Variants in TRPM3 observed in about 807,000 individuals in gnomAD.
The protein encoded by TRPM3 is transient receptor potential cation channel subfamily M member 3.
Under a neutral mutation model 181.2 loss-of-function variants are expected in TRPM3, and 77 were observed. The observed-to-expected ratio is 0.42, with a 90% CI of 0.35 to 0.51. The LOEUF (loss-of-function observed/expected upper bound fraction) is 0.51. Ranked by LOEUF, TRPM3 falls within the 20% of genes least tolerant of loss-of-function variation. The pLI is 0.01. For missense variants in TRPM3, 1,759 were observed against 2,196.7 expected (o/e 0.80, Z 3.98); for synonymous variants, 745 against 796.4 (o/e 0.94, Z 1.09).
At chr9:70,898,418 G>A (rs1376861899) in intron 1 of TRPM3, among the ~76,000 whole-genome samples, 6 of 147,990 alleles carry the variant, frequency 4.1e-5, no homozygotes, top group Admixed American at 6.7e-5. Flanking sequence ...CACCGCGCCC[G>A]GCCACAATAA....
At chr9:71,312,284 C>A (rs1393298812) in intron 1 of TRPM3, among the ~76,000 whole-genome samples, 1 of 152,024 alleles carries the variant, frequency 6.6e-6, no homozygotes, top group African/African-American at 2.4e-5. Flanking sequence ...AAACAGATGA[C>A]AAACAAGCGT....
intron 1 of TRPM3, among the ~76,000 whole-genome samples, chr9:71,116,653 C>T (rs2072452348): frequency 6.6e-6 from 1 of 151,894 alleles, no homozygotes; most frequent in African/African-American, 2.4e-5. Flanking sequence ...AGTTAATTCC[C>T]TTGTGTTACC....
intron 1 of TRPM3, among the ~76,000 whole-genome samples, chr9:71,097,197 T>C (rs1004187587): frequency 1.3e-5 from 2 of 152,080 alleles, no homozygotes; most frequent in African/African-American, 4.8e-5. Flanking sequence ...TCAGAAAATA[T>C]ATAAAACAAT....
At chr9:71,089,995 A>G (rs1467337731) in intron 1 of TRPM3, among the ~76,000 whole-genome samples, 1 of 152,192 alleles carries the variant, frequency 6.6e-6, no homozygotes. Context: ...ATGTTTTAAG[A>G]AAGTTTACGA....
At chr9:70,651,809 AGAG>A (rs2059628802) in intron 9 of TRPM3, among the ~76,000 whole-genome samples, 1 of 151,924 alleles carries the variant, frequency 6.6e-6, no homozygotes, top group Non-Finnish European at 1.5e-5. Flanking sequence ...TAGGAGAAGA[AGAG>A]AAGGATGAGT....
At chr9:70,892,929 G>C (rs370725334) in intron 1 of TRPM3, among the ~76,000 whole-genome samples, 1 of 152,002 alleles carries the variant, frequency 6.6e-6, no homozygotes, top group South Asian at 2.1e-4. Flanking sequence ...CTACATGACC[G>C]GCTATATCCA....
chr9:70,683,121 G>A (rs1257956438), intron 8 of TRPM3, among the ~76,000 whole-genome samples: 1 of 152,174 alleles, frequency 6.6e-6, no homozygotes, highest in African/African-American at 2.4e-5. Context: ...AAGATAATAC[G>A]AACACTTGAC....
intron 1 of TRPM3, among the ~76,000 whole-genome samples, chr9:71,167,099 T>G (rs2076576741): frequency 6.6e-6 from 1 of 152,180 alleles, no homozygotes; most frequent in African/African-American, 2.4e-5. Flanking sequence ...TTTTAAAAAT[T>G]CATTGAAACC....
chr9:71,336,193 A>AT, intron 1 of TRPM3, among the ~76,000 whole-genome samples: 1 of 151,862 alleles, frequency 6.6e-6, no homozygotes, highest in Non-Finnish European at 1.5e-5. Context: ...AAAAAAAAAA[A>AT]AGATAGCAGG....
At chr9:70,928,058 T>C (rs561484943) in intron 1 of TRPM3, among the ~76,000 whole-genome samples, 3 of 152,186 alleles carry the variant, frequency 2.0e-5, no homozygotes, top group Non-Finnish European at 4.4e-5. Flanking sequence ...ATTGTTCCCA[T>C]ATTTGTAGGC....
chr9:71,179,942 TG>T (rs756932293), intron 1 of TRPM3, among the ~76,000 whole-genome samples: 2 of 151,912 alleles, frequency 1.3e-5, no homozygotes, highest in South Asian at 4.2e-4. Flanking sequence ...TGTCCATCAC[TG>T]GAGGAAACTG....
chr9:70,806,590 T>C (rs2090736870), intron 6 of TRPM3, among the ~76,000 whole-genome samples: 1 of 151,980 alleles, frequency 6.6e-6, no homozygotes, highest in South Asian at 2.1e-4. Context: ...CTCGGGAGGC[T>C]GAGGCAGAAG....
chr9:71,277,166 G>A (rs1214241570), intron 1 of TRPM3, among the ~76,000 whole-genome samples: 1 of 151,978 alleles, frequency 6.6e-6, no homozygotes, highest in East Asian at 1.9e-4. Flanking sequence ...AAAAGCAAGG[G>A]AATAACAAAC....
At chr9:70,541,267 T>G (rs2043270788) in intron 25 of TRPM3, among the ~76,000 whole-genome samples, 1 of 152,142 alleles carries the variant, frequency 6.6e-6, no homozygotes. Context: ...TGTCAAACCT[T>G]AACTGTCCTA....
rs748085637 is a variant in TRPM3 at position 70,610,752 on chromosome 9, A to AT, written c.2527-4dup. 2 of 1,613,944 alleles carry AT rather than the reference A, an allele frequency of 1.2e-6. No homozygotes were observed. The highest frequency in any genetic ancestry group is 2.7e-5 in the African/African-American group (2 of 74,918). On this transcript the variant is annotated splice_region_variant and splice_polypyrimidine_tract_variant and intron_variant, in intron 18 of 25. Transcript: ENST00000677713. ...CCGTTGTTTCGTCCCAACATTGCCT[A>AT]TGTTGGAAGAGAATCGATACCATCA...
chr9:71,095,081 A>T (rs527620631), intron 1 of TRPM3, among the ~76,000 whole-genome samples: 1 of 152,278 alleles, frequency 6.6e-6, no homozygotes, highest in South Asian at 2.1e-4. Flanking sequence ...TACAAAATGG[A>T]CTGTAATCCA....
At chr9:71,081,860 C>A (rs1478456104) in intron 1 of TRPM3, among the ~76,000 whole-genome samples, 1 of 152,112 alleles carries the variant, frequency 6.6e-6, no homozygotes, top group African/African-American at 2.4e-5. Context: ...TACATTCTGG[C>A]TTTTTCTTAG....
intron 1 of TRPM3, among the ~76,000 whole-genome samples, chr9:70,978,714 C>T (rs940097573): frequency 3.3e-5 from 5 of 152,202 alleles, no homozygotes; most frequent in Admixed American, 3.3e-4. Context: ...TTTCATAAAA[C>T]ACCAATGTAT....
At chr9:71,370,762 T>A (rs1038579205) in intron 1 of TRPM3, among the ~76,000 whole-genome samples, 66 of 152,344 alleles carry the variant, frequency 4.3e-4, no homozygotes, top group African/African-American at 1.5e-3. Context: ...ATATTCCCAA[T>A]GAAGACAAAG....
Sources: gnomAD v4.1 joint callset for allele counts (sites outside exome capture counted in the v4.1 genomes callset) on GRCh38, gnomAD v4.1.1 for gene constraint, MANE v1.5 for transcripts, NCBI Gene and HGNC (gene_info 2026-07-23, HGNC 2026-07-21) for gene names.